Variants in WDR81 observed in about 807,000 individuals in gnomAD.
The protein encoded by WDR81 is WD repeat domain 81, also known as WD repeat-containing protein 81.
WDR81 carries 92 observed loss-of-function variants against 140.8 expected under a neutral mutation model. The observed-to-expected ratio is 0.65, with a 90% CI of 0.55 to 0.78. WDR81 has a LOEUF of 0.78. WDR81 is among the 30% of genes least tolerant of loss of function. The pLI, the probability that WDR81 is intolerant of heterozygous loss-of-function variation, is 0.00. For synonymous variants in WDR81, 1,183 were observed against 1,156.4 expected (o/e 1.02, Z -0.47); for missense variants, 2,502 against 2,636.4 (o/e 0.95, Z 1.12).
chr17:1,731,780 G>A (rs1025967254), intron 4 of WDR81, among the ~76,000 whole-genome samples: 13 of 151,784 alleles, frequency 8.6e-5, no homozygotes, highest in African/African-American at 2.4e-4. Flanking sequence ...GCAGGTGCCT[G>A]CAATCCCAGG....
chr17:1,717,647 C>T (rs1465919915), intron 1 of WDR81, among the ~76,000 whole-genome samples: 1 of 152,172 alleles, frequency 6.6e-6, no homozygotes, highest in African/African-American at 2.4e-5. Context: ...ACATCCTCCT[C>T]CTTGCTTACC....
chr17:1,727,085 C>T lies in WDR81; in HGVS notation c.2126C>T (p.Ala709Val). The change falls in exon 1 of 10, where the codon GCA becomes GTA. Residue 709 changes from alanine to valine, a missense_variant. This residue lies in a region of WDR81 where 1,737 missense variants were observed against 1,843.0 expected (regional missense o/e 0.94). Coordinates refer to ENST00000409644, the MANE Select transcript of WDR81 (RefSeq NM_001163809.2). Reference sequence around the variant, plus strand: ...GGCCGCAGGAATAAAGCTGCTGGGGCAGACCCTGGGGAGGGTGAGGAGGGG... The same window carrying T: ...GGCCGCAGGAATAAAGCTGCTGGGGTAGACCCTGGGGAGGGTGAGGAGGGG... ...RPGRRNKAAG[A>V]DPGEGEEGRI... The T allele has an allele frequency of 6.5e-7, 1 of 1,549,372 alleles. No homozygotes were observed.
rs1469957199 is a variant in WDR81, at chr17:1,716,606, C to A, written c.-151C>A. On this transcript the variant is annotated 5_prime_UTR_variant, in exon 1 of 11. Transcript: ENST00000309182. The stretch of plus-strand genomic sequence containing the variant: ...GGTCCGTGTAGTTCTCAGCCTGACA[C>A]CGTCGTTCCCAGAACCCAGCGCGCT... 3 of 1,551,682 alleles carry A rather than the reference C, an allele frequency of 1.9e-6. No homozygotes were observed. In the South Asian group the frequency reaches 3.6e-5, roughly 18 times the overall value.
Position 1,733,921 on chromosome 17 carries a change from C to T in WDR81, c.4884C>T (p.Ser1628=). The T allele has an allele frequency of 6.2e-7, 1 of 1,612,774 alleles. No individual in the cohort carries two copies. Among genetic ancestry groups the T allele is most frequent in the Non-Finnish European group, 8.5e-7 (1 of 1,179,962 alleles). ...ACTGGCAGTACGAGATCGGCGTGAG[C>T]CAGCAGGATGCCCACTTTCACTTCC... ...LAYWQYEIGV[S]QQDAHFHFHQ... is the part of the protein sequence containing the mutation. The change falls in exon 7 of 10, where the codon AGC becomes AGT. Residue 1628 remains serine (S), a synonymous_variant. Transcript: ENST00000409644.
At position 1,733,927 on chromosome 17, in the gene WDR81, G is replaced by C. The variant is rs1249075890; in HGVS notation, c.4890G>C (p.Gln1630His). ...AGTACGAGATCGGCGTGAGCCAGCA[G>C]GATGCCCACTTTCACTTCCACCAGA... ...YWQYEIGVSQ[Q>H]DAHFHFHQIR... is the part of the protein sequence containing the mutation. Residue 1630 changes from glutamine (Q) to histidine (H), a missense_variant, in exon 7 of 10, where the codon CAG becomes CAC. Coordinates refer to ENST00000409644, the MANE Select transcript of WDR81 (RefSeq NM_001163809.2). 1.9e-6 allele frequency: 3 copies of C among 1,612,696 alleles called. No individual in the cohort carries two copies.
Position 1,732,740 on chromosome 17 carries a change from G to T in WDR81, c.4398G>T (p.Arg1466=). The T allele has an allele frequency of 6.2e-7, 1 of 1,613,022 alleles. No homozygotes were observed. Among genetic ancestry groups the T allele is most frequent in the Non-Finnish European group, 8.5e-7 (1 of 1,179,962 alleles). Residue 1466 remains arginine (R), a synonymous_variant, in exon 6 of 10, where the codon CGG becomes CGT. Coordinates refer to ENST00000409644, the MANE Select transcript of WDR81 (RefSeq NM_001163809.2). ...TGGTCTTCTCTGATGGGCAGCAGCG[G>T]CCCGTGGACCCCGCCCTGCTGGACG... ...PQVVFSDGQQ[R]PVDPALLDEL...
chr17:1,730,632 C>T, intron 2 of WDR81, 123 bp from the exon 3 acceptor site: 1 of 1,430,202 alleles, frequency 7.0e-7, no homozygotes, highest in East Asian at 2.5e-5. Flanking sequence ...AAGTGCCAGC[C>T]TTGGGTAGGG....
rs1904790420 is a variant in WDR81, at chr17:1,735,563, C to G, written c.5180-9C>G. 6.3e-7 allele frequency: 1 copy of G among 1,593,836 alleles called. No individual in the cohort carries two copies. The highest frequency in any genetic ancestry group is 8.6e-7 in the Non-Finnish European group (1 of 1,168,926). On this transcript the variant is annotated splice_polypyrimidine_tract_variant and intron_variant, in intron 7 of 9. Transcript: ENST00000409644. The surrounding 1 kb of genome is among the most constrained non-coding windows in gnomAD (Gnocchi z 4.2). ...GGGACCCCAGATCCACTGTGACTTT[C>G]CTTCCCAGGGAAGACCCTTCGCACA... is the stretch of plus-strand genomic sequence containing the variant.
chr17:1,726,279 C>T lies in WDR81; in HGVS notation c.1320C>T (p.His440=). Residue 440 remains histidine (H), a synonymous_variant, in exon 1 of 10, where the codon CAC becomes CAT. Coordinates refer to ENST00000409644, the MANE Select transcript of WDR81 (RefSeq NM_001163809.2). ...GGGEPPHVPH[H]ISDVLSDITY... ...GGGAACCCCCTCATGTTCCCCACCA[C>T]ATCTCAGACGTGCTCTCCGACATCA... 1.3e-6 allele frequency: 2 copies of T among 1,540,528 alleles called. No individual in the cohort carries two copies. Among genetic ancestry groups the T allele is most frequent in the South Asian group, 1.2e-5 (1 of 82,494 alleles).
At chr17:1,732,162 G>A (rs1046355747) in intron 4 of WDR81, among the ~76,000 whole-genome samples, 163 bp from the exon 5 acceptor site, 3 of 151,968 alleles carry the variant, frequency 2.0e-5, no homozygotes, top group Non-Finnish European at 4.4e-5. Flanking sequence ...GCTTGAACCC[G>A]GGAGGCAGAG....
Position 1,733,552 on chromosome 17 carries a change from C to G in WDR81, c.4515C>G (p.Pro1505=). 2 of 1,518,672 alleles carry G rather than the reference C, an allele frequency of 1.3e-6. No homozygotes were observed. Among genetic ancestry groups the G allele is most frequent in the Middle Eastern group, 1.8e-4 (1 of 5,606 alleles). 94.1% of individuals were successfully genotyped at this position (1,518,672 alleles called of 1,614,324 possible). Residue 1505 remains proline, a synonymous_variant, in exon 7 of 10, where the codon CCC becomes CCG. Coordinates refer to ENST00000409644, the MANE Select transcript of WDR81 (RefSeq NM_001163809.2). The stretch of plus-strand genomic sequence containing the variant: ...GTGACATCATCCGGAAAATCATCCC[C>G]AACCACGAGCTGGTTGGGGAGCTGG... The part of the protein sequence containing the change: ...LLGDIIRKII[P]NHELVGELAA...
Position 1,737,455 on chromosome 17 carries a change from A to C in WDR81, c.5596A>C (p.Lys1866Gln). 6.2e-7 allele frequency: 1 copy of C among 1,613,090 alleles called. No homozygotes were observed. Among genetic ancestry groups the C allele is most frequent in the Non-Finnish European group, 8.5e-7 (1 of 1,179,966 alleles). The change falls in exon 10 of 10, where the codon AAG (lysine) becomes CAG (glutamine). Residue 1866 changes from lysine to glutamine, a missense_variant. Lys to Gln is a moderately conservative substitution (Grantham distance 53, BLOSUM62 1). Transcript: ENST00000409644. Reference sequence around the variant, plus strand: ...GGAGCAGAAGCCCACCCATCACTACAAGTCAGCATCCGACCCCATCCACAC... The same window carrying C: ...GGAGCAGAAGCCCACCCATCACTACCAGTCAGCATCCGACCCCATCCACAC... ...ELEQKPTHHYKSASDPIHTFD... is the reference protein window; with the variant it reads ...ELEQKPTHHYQSASDPIHTFD...
In WDR81 at chr17:1,727,614, C is replaced by T. The variant is rs1174944513; in HGVS notation, c.2655C>T (p.Leu885=). ...TCCCGGCACTGCACAGATTCATCCT[C>T]CTGTACCAGGCAAGGCGTGTGGAGG... ...PYFPALHRFI[L]LYQARRVEDE... Residue 885 remains leucine, a synonymous_variant, in exon 1 of 10, where the codon CTC becomes CTT. Transcript: ENST00000409644. 3.9e-6 allele frequency: 6 copies of T among 1,550,558 alleles called. No homozygotes were observed. In the South Asian group the frequency reaches 4.8e-5, roughly 12 times the overall value.
rs1224436025 is a variant in WDR81, at chr17:1,727,386, C to T, written c.2427C>T (p.Arg809=). The T allele has an allele frequency of 1.9e-6, 3 of 1,550,144 alleles. No homozygotes were observed. Among genetic ancestry groups the T allele is most frequent in the African/African-American group, 1.4e-5 (1 of 73,054 alleles). The change falls in exon 1 of 10, where the codon CGC becomes CGT. Residue 809 remains arginine (R), a synonymous_variant. Transcript: ENST00000409644. ...RFQAVRGLCT[R]HPKEVPVSLQ... ...AGGCTGTCCGAGGGCTCTGCACGCG[C>T]CACCCCAAGGAGGTCCCTGTGTCTT...
Position 1,737,714 on chromosome 17 carries a change from T to C in WDR81, c.*29T>C. The C allele has an allele frequency of 1.9e-6, 3 of 1,579,296 alleles. No homozygotes were observed. Among genetic ancestry groups the C allele is most frequent in the Non-Finnish European group, 2.6e-6 (3 of 1,164,658 alleles). ...GAGGCAGGAGCTGGCCGGGCAAGGGTGGGAAGACATCTGCGGGCGCGTGTC... is the reference window on the plus strand; with the variant it reads ...GAGGCAGGAGCTGGCCGGGCAAGGGCGGGAAGACATCTGCGGGCGCGTGTC... On this transcript the variant is annotated 3_prime_UTR_variant, in exon 10 of 10. Transcript: ENST00000409644.
At chr17:1,721,213 G>A (rs539622933), upstream of WDR81, among the ~76,000 whole-genome samples, 1 of 152,036 alleles carries the variant, frequency 6.6e-6, no homozygotes, top group Non-Finnish European at 1.5e-5. Flanking sequence ...ATAAAATTTA[G>A]CTAGGCGTGG....
In WDR81 at chr17:1,737,611, AGCCTG is replaced by A. The variant is rs1904999739; in HGVS notation, c.5757_5761del (p.Leu1921AlafsTer3). The A allele has an allele frequency of 6.2e-7, 1 of 1,612,618 alleles. No homozygotes were observed. Among genetic ancestry groups the A allele is most frequent in the Non-Finnish European group, 8.5e-7 (1 of 1,179,988 alleles). ...TGAGAACTTCCGCGGCACGCTCACC[AGCCTG>A]GCCTTGCTGCCCACTAAACGCCACC... On this transcript the variant is annotated frameshift_variant, in exon 10 of 10. Coordinates refer to ENST00000409644, the MANE Select transcript of WDR81 (RefSeq NM_001163809.2). LOFTEE classifies it high-confidence loss of function.
chr17:1,721,052 A>C (rs141189725), upstream of WDR81, among the ~76,000 whole-genome samples: 367 of 152,338 alleles, frequency 2.4e-3, 1 homozygote, highest in African/African-American at 8.4e-3. Context: ...GACCAGCGCA[A>C]AGAACAGGTG....
At position 1,734,014 on chromosome 17, in the gene WDR81, C is replaced by T. The variant is rs532283233; in HGVS notation, c.4977C>T (p.Ser1659=). The part of the protein sequence containing the change: ...GAVKCVAPLS[S]EDFFLSGSKD... ...TCAAGTGCGTGGCACCCCTAAGCAG[C>T]GAGGACTTCTTCCTGAGCGGCAGCA... The change falls in exon 7 of 10, where the codon AGC becomes AGT. Residue 1659 remains serine (S), a synonymous_variant. Transcript: ENST00000409644. The T allele has an allele frequency of 1.1e-4, 176 of 1,612,176 alleles. No individual in the cohort carries two copies. Among genetic ancestry groups the T allele is most frequent in the Middle Eastern group, 1.6e-4 (1 of 6,084 alleles).
Sources: allele counts gnomAD v4.1 joint callset (sites outside exome capture counted in the v4.1 genomes callset), GRCh38; gene constraint gnomAD v4.1.1; regional missense constraint gnomAD v4.1.1; non-coding constraint Gnocchi (gnomAD v3.1); transcripts MANE v1.5; gene names NCBI Gene and HGNC (gene_info 2026-07-23, HGNC 2026-07-21).